The following EEIG1 variants were observed in gnomAD, a reference collection of about 807,000 sequenced individuals.
The protein encoded by EEIG1 is estrogen-induced osteoclastogenesis regulator 1.
the EEIG1 span, among the ~76,000 whole-genome samples, chr9:127,965,123 A>G: frequency 7.2e-5 from 1 of 13,926 alleles, no homozygotes; most frequent in Admixed American, 9.8e-4. Flanking sequence ...AAAAAAAAAA[A>G]AAAAAAAAAA....
chr9:127,958,444 C>A, the EEIG1 span, among the ~76,000 whole-genome samples: 3 of 152,090 alleles, frequency 2.0e-5, no homozygotes, highest in South Asian at 6.2e-4. Context: ...GTGGGAGGAT[C>A]ACTTGAGGCC....
chr9:127,955,090 G>C, the EEIG1 span, among the ~76,000 whole-genome samples: 1 of 152,198 alleles, frequency 6.6e-6, no homozygotes, highest in Non-Finnish European at 1.5e-5. Flanking sequence ...GGGAAGGGAG[G>C]AGACAGTGTG....
the EEIG1 span, chr9:127,941,849 A>C: frequency 1.3e-5 from 2 of 152,252 alleles, no homozygotes; most frequent in African/African-American, 4.8e-5. Context: ...CTCAAGAAGA[A>C]AGACGGAAAG....
the EEIG1 span, chr9:127,944,297 G>T: frequency 2.2e-6 from 1 of 464,276 alleles, no homozygotes; most frequent in Non-Finnish European, 3.9e-6. Flanking sequence ...GGAAGTAGAA[G>T]GGAGGGTTCT....
chr9:127,958,945 A>G, the EEIG1 span, among the ~76,000 whole-genome samples: 2 of 152,250 alleles, frequency 1.3e-5, no homozygotes, highest in Non-Finnish European at 2.9e-5. Context: ...ATTAGCTATT[A>G]GGGAAATGAA....
chr9:127,953,644 G>T, the EEIG1 span: 1 of 1,612,444 alleles, frequency 6.2e-7, no homozygotes, highest in Non-Finnish European at 8.5e-7. Flanking sequence ...GTTGACTGCA[G>T]AATCCCAGGG....
the EEIG1 span, chr9:127,948,029 G>A: frequency 7.0e-6 from 11 of 1,581,782 alleles, no homozygotes; most frequent in African/African-American, 4.0e-5. Flanking sequence ...TAAACCCCTC[G>A]GGCCGCTAGC....
At chr9:127,943,217 T>G in the EEIG1 span, 1 of 1,614,100 alleles carries the variant, frequency 6.2e-7, no homozygotes, top group Non-Finnish European at 8.5e-7. Context: ...CACAACTGGC[T>G]CGTAGACCCC....
At chr9:127,976,069 G>A in the EEIG1 span, among the ~76,000 whole-genome samples, 2 of 152,308 alleles carry the variant, frequency 1.3e-5, no homozygotes, top group East Asian at 1.9e-4. This position sits in a 1 kb window ranked among gnomAD's most constrained non-coding sequence, Gnocchi z 4.1. Context: ...AACCTACCAT[G>A]GTGCCTCCTA....
the EEIG1 span, among the ~76,000 whole-genome samples, chr9:127,967,065 AAG>A: frequency 1.3e-5 from 2 of 152,170 alleles, no homozygotes; most frequent in African/African-American, 4.8e-5. Flanking sequence ...AATCCCAGGG[AAG>A]AGGCTTTGAG....
chr9:127,944,585 C>A, the EEIG1 span: 1 of 1,569,950 alleles, frequency 6.4e-7, no homozygotes, highest in Non-Finnish European at 8.7e-7. Flanking sequence ...CCCCAGCCGC[C>A]CCGACGACCC....
chr9:127,961,142 A>G, the EEIG1 span, among the ~76,000 whole-genome samples: 20 of 152,218 alleles, frequency 1.3e-4, no homozygotes, highest in Non-Finnish European at 2.9e-5. Context: ...CAGCAGAGCT[A>G]GTCTCGACCC....
chr9:127,947,087 C>T, the EEIG1 span, among the ~76,000 whole-genome samples: 1 of 152,058 alleles, frequency 6.6e-6, no homozygotes, highest in African/African-American at 2.4e-5. Context: ...TTTTTCATAA[C>T]ATTAGTACCA....
At chr9:127,944,170 G>C in the EEIG1 span, 1 of 217,006 alleles carries the variant, frequency 4.6e-6, no homozygotes. Context: ...GCAGCAGCCT[G>C]CATTGAACCA....
the EEIG1 span, among the ~76,000 whole-genome samples, chr9:127,956,888 T>G: frequency 6.6e-6 from 1 of 152,162 alleles, no homozygotes; most frequent in Admixed American, 6.5e-5. Flanking sequence ...CTAATTTTTG[T>G]GTTTTTAGTA....
chr9:127,955,168 G>A, the EEIG1 span, among the ~76,000 whole-genome samples: 5 of 152,224 alleles, frequency 3.3e-5, no homozygotes, highest in Admixed American at 1.3e-4. Flanking sequence ...GAAGTGACCC[G>A]AGGAGAGTGG....
chr9:127,948,199 G>C, the EEIG1 span: 4 of 1,614,090 alleles, frequency 2.5e-6, no homozygotes, highest in Non-Finnish European at 3.4e-6. Context: ...GCCTGGGATG[G>C]AGATGGACTT....
At chr9:127,951,200 T>C in the EEIG1 span, among the ~76,000 whole-genome samples, 1 of 151,962 alleles carries the variant, frequency 6.6e-6, no homozygotes, top group Non-Finnish European at 1.5e-5. Context: ...GAAAGTGAGA[T>C]TGAGACGAGG....
the EEIG1 span, among the ~76,000 whole-genome samples, chr9:127,973,707 G>T: frequency 6.6e-6 from 1 of 152,200 alleles, no homozygotes; most frequent in East Asian, 1.9e-4. This position sits in a 1 kb window ranked among gnomAD's most constrained non-coding sequence, Gnocchi z 4.2. Flanking sequence ...CAGCCTCGCT[G>T]CCCGGGCTGG....
Sources: allele counts gnomAD v4.1 joint callset (sites outside exome capture counted in the v4.1 genomes callset), GRCh38; gene constraint gnomAD v4.1.1; non-coding constraint Gnocchi (gnomAD v3.1); transcripts MANE v1.5; gene names NCBI Gene and HGNC (gene_info 2026-07-23, HGNC 2026-07-21).